Variants in AATF observed in about 807,000 individuals in gnomAD.
AATF encodes protein AATF.
A neutral mutation model predicts 63.7 loss-of-function variants in AATF; 48 were observed. The ratio of observed to expected loss-of-function variants is 0.75; its 90% CI spans 0.60 to 0.96. The LOEUF (loss-of-function observed/expected upper bound fraction) is 0.96, where lower values mean the gene tolerates loss of function less well. Ranked by LOEUF, AATF falls within the 40% of genes least tolerant of loss-of-function variation. The pLI is 0.00. For missense variants in AATF, 639 were observed against 685.7 expected, an observed-to-expected ratio of 0.93 and a Z score of 0.76; for synonymous variants, 258 against 247.7, an observed-to-expected ratio of 1.04 and a Z score of -0.39.
chr17:37,051,802 A>G lies in AATF; in HGVS notation c.1620-4799A>G, dbSNP rs552684949. 8.5e-5 allele frequency among the ~76,000 whole-genome samples: 13 copies of G among 152,200 alleles called. No homozygotes were observed. The South Asian group carries it at 2.7e-3, about 32-fold the overall frequency. ...TTTTTCTAGAAACAGGTTTTAAGAT[A>G]ATATAGTAAAAATATTAAATTAGAA... On this transcript the variant is annotated intron_variant, in intron 11 of 11. Coordinates refer to ENST00000619387, the MANE Select transcript of AATF (RefSeq NM_012138.4).
intron 4 of AATF, among the ~76,000 whole-genome samples, chr17:36,961,790 T>C (rs1001883230): frequency 3.3e-5 from 5 of 152,094 alleles, no homozygotes; most frequent in African/African-American, 1.2e-4. Flanking sequence ...TTCTCCTGCC[T>C]CAGCCTCCTG....
At chr17:36,980,270 C>T (rs908598685) in intron 4 of AATF, 9 of 152,286 alleles carry the variant, frequency 5.9e-5, no homozygotes, top group African/African-American at 1.9e-4. Flanking sequence ...TACATTTATC[C>T]TCTACTGAAA....
chr17:36,971,298 A>G (rs1041428868), intron 4 of AATF, among the ~76,000 whole-genome samples: 3 of 152,226 alleles, frequency 2.0e-5, no homozygotes, highest in Non-Finnish European at 4.4e-5. Flanking sequence ...TATGATAGCA[A>G]ATAAGCACAT....
intron 10 of AATF, among the ~76,000 whole-genome samples, chr17:37,024,658 A>T (rs1225571604): frequency 4.6e-5 from 7 of 152,162 alleles, no homozygotes; most frequent in Non-Finnish European, 8.8e-5. Context: ...CATCACATGC[A>T]CATTTCAGAA....
At chr17:36,958,338 A>AT (rs1317490072) in intron 4 of AATF, among the ~76,000 whole-genome samples, 6 of 150,864 alleles carry the variant, frequency 4.0e-5, no homozygotes, top group South Asian at 2.1e-4. Context: ...AATTTTTGTA[A>AT]TTTTTTTTAG....
At chr17:36,975,319 T>C (rs1341652309) in intron 4 of AATF, among the ~76,000 whole-genome samples, 2 of 152,216 alleles carry the variant, frequency 1.3e-5, no homozygotes, top group Non-Finnish European at 2.9e-5. Context: ...ATTACAATCA[T>C]GCCATTTGCC....
chr17:37,005,909 C>G (rs1459626046), intron 8 of AATF, among the ~76,000 whole-genome samples: 1 of 152,144 alleles, frequency 6.6e-6, no homozygotes, highest in Non-Finnish European at 1.5e-5. Flanking sequence ...GGGAAGATTG[C>G]TTGAACCCAG....
At chr17:37,020,105 G>A (rs1470974240) in intron 9 of AATF, among the ~76,000 whole-genome samples, 1 of 151,688 alleles carries the variant, frequency 6.6e-6, no homozygotes, top group Non-Finnish European at 1.5e-5. Context: ...TAGTTCATAT[G>A]AGCAATTTAT....
At chr17:37,039,145 A>G (rs933402988) in intron 11 of AATF, among the ~76,000 whole-genome samples, 10 of 152,202 alleles carry the variant, frequency 6.6e-5, no homozygotes, top group African/African-American at 2.4e-4. Flanking sequence ...GCACTGAATC[A>G]TGGTGAGATA....
intron 11 of AATF, chr17:37,045,314 C>T (rs1053818404): frequency 3.3e-5 from 5 of 152,264 alleles, no homozygotes; most frequent in African/African-American, 1.2e-4. Context: ...GAAGGCCTTT[C>T]TTCTACAATA....
chr17:37,034,307 G>A (rs1303424798), intron 11 of AATF, among the ~76,000 whole-genome samples: 1 of 152,198 alleles, frequency 6.6e-6, no homozygotes, highest in East Asian at 1.9e-4. Context: ...TTTAGGGCCA[G>A]TAGGTATTGT....
At chr17:36,989,493 GT>G in intron 7 of AATF, 82 bp downstream of exon 7, 1 of 1,347,454 alleles carries the variant, frequency 7.4e-7, no homozygotes, top group East Asian at 2.4e-5. Context: ...GCTATTACCT[GT>G]TTATATAAGA....
At chr17:37,018,349 A>G (rs2071443516) in intron 8 of AATF, among the ~76,000 whole-genome samples, 1 of 152,206 alleles carries the variant, frequency 6.6e-6, no homozygotes, top group African/African-American at 2.4e-5. Context: ...ATTGGATGAG[A>G]GACTAATCCT....
intron 11 of AATF, among the ~76,000 whole-genome samples, chr17:37,039,523 A>G (rs531721641): frequency 4.6e-5 from 7 of 152,318 alleles, no homozygotes; most frequent in Non-Finnish European, 8.8e-5. Context: ...AGAGGATTAC[A>G]GCTTTGCATT....
At chr17:37,006,925 A>G (rs1184596943) in intron 8 of AATF, among the ~76,000 whole-genome samples, 1 of 152,252 alleles carries the variant, frequency 6.6e-6, no homozygotes, top group African/African-American at 2.4e-5. Flanking sequence ...TCAAATCCTT[A>G]AAGACCAAGG....
At chr17:37,011,196 C>T (rs559019926) in intron 8 of AATF, among the ~76,000 whole-genome samples, 6 of 152,174 alleles carry the variant, frequency 3.9e-5, no homozygotes, top group Non-Finnish European at 1.5e-5. Flanking sequence ...CATGGAAAAA[C>T]CCCGTCTCAA....
At chr17:36,964,757 C>T (rs1053601142) in intron 4 of AATF, among the ~76,000 whole-genome samples, 7 of 151,394 alleles carry the variant, frequency 4.6e-5, no homozygotes, top group Non-Finnish European at 8.8e-5. Flanking sequence ...TTTTGCCCCC[C>T]TCCCCCCCAC....
Position 36,953,764 on chromosome 17 carries a change from T to C in AATF, c.695-6T>C. The C allele has an allele frequency of 1.2e-6, 2 of 1,612,104 alleles. No individual in the cohort carries two copies. Among genetic ancestry groups the C allele is most frequent in the Non-Finnish European group, 1.7e-6 (2 of 1,179,448 alleles). ...GAGGAATGGGATTCTCTTTTCTTCTTTTCAGCACTGTGGGACCAGCTCTTG... is the reference window on the plus strand; with the variant it reads ...GAGGAATGGGATTCTCTTTTCTTCTCTTCAGCACTGTGGGACCAGCTCTTG... On this transcript the variant is annotated splice_polypyrimidine_tract_variant and splice_region_variant and intron_variant, in intron 3 of 11. Coordinates refer to ENST00000619387, the MANE Select transcript of AATF (RefSeq NM_012138.4).
chr17:36,962,565 ATT>A (rs796321224), intron 4 of AATF, among the ~76,000 whole-genome samples: 18 of 145,366 alleles, frequency 1.2e-4, no homozygotes, highest in Admixed American at 1.4e-4. Flanking sequence ...ATCAGAAACA[ATT>A]TTTTTTTTTT....
Sources: gnomAD v4.1 joint callset for allele counts (sites outside exome capture counted in the v4.1 genomes callset) on GRCh38, gnomAD v4.1.1 for gene constraint, MANE v1.5 for transcripts, NCBI Gene and HGNC (gene_info 2026-07-23, HGNC 2026-07-21) for gene names.